METTL15: variants seen among roughly 807,000 people sequenced by gnomAD.
METTL15 encodes the protein methyltransferase 15, mitochondrial 12S rRNA N4-cytidine, also known as 12S rRNA N(4)-cytidine methyltransferase METTL15.
METTL15 carries 34 observed loss-of-function variants against 38.3 expected under a neutral mutation model. The observed-to-expected ratio is 0.89, with a 90% CI of 0.68 to 1.18. METTL15 has a LOEUF of 1.18. Among genes scored for constraint, METTL15 ranks in the 50% most tolerant of loss-of-function variants. The pLI is 0.00. For missense variants in METTL15, 438 were observed against 498.4 expected (o/e 0.88, Z 1.15); for synonymous variants, 162 against 170.9 (o/e 0.95, Z 0.41).
At chr11:28,479,057 TTGTGTG>T (rs71050961) in intron 6 of METTL15, among the ~76,000 whole-genome samples, 40,070 of 146,576 alleles carry the variant, frequency 0.27, 5,982 homozygotes, top group East Asian at 0.59. Context: ...TTATTTCTCT[TTGTGTG>T]TGTGTGTGTG....
chr11:28,257,407 C>T (rs889649694), intron 4 of METTL15, among the ~76,000 whole-genome samples: 24 of 152,114 alleles, frequency 1.6e-4, no homozygotes, highest in African/African-American at 3.4e-4. Flanking sequence ...ATAACTTTCT[C>T]GTACTTGAAA....
At chr11:28,349,496 T>A (rs2133360072) in intron 3 of METTL15, among the ~76,000 whole-genome samples, 1 of 152,370 alleles carries the variant, frequency 6.6e-6, no homozygotes, top group African/African-American at 2.4e-5. Context: ...TCTTTTTTAA[T>A]TGCTTACTAT....
intron 4 of METTL15, among the ~76,000 whole-genome samples, chr11:28,284,798 G>GA (rs1856188641): frequency 6.6e-6 from 1 of 152,128 alleles, no homozygotes; most frequent in Non-Finnish European, 1.5e-5. Context: ...AGGCAGACTG[G>GA]AACACATTTA....
intron 6 of METTL15, among the ~76,000 whole-genome samples, chr11:28,453,352 A>G (rs1851139371): frequency 6.6e-6 from 1 of 152,208 alleles, no homozygotes; most frequent in Non-Finnish European, 1.5e-5. Context: ...TGCTCCAATA[A>G]AGAGACCACA....
chr11:28,133,813 C>A (rs2133639724), intron 3 of METTL15, among the ~76,000 whole-genome samples: 1 of 152,226 alleles, frequency 6.6e-6, no homozygotes, highest in South Asian at 2.1e-4. Context: ...GTTAGAATCA[C>A]CTGGTTAAGC....
intron 3 of METTL15, among the ~76,000 whole-genome samples, chr11:28,177,218 C>G (rs1482625675): frequency 6.6e-6 from 1 of 151,760 alleles, no homozygotes; most frequent in East Asian, 1.9e-4. Flanking sequence ...TAGTAAAATG[C>G]AATATATGTT....
intron 6 of METTL15, among the ~76,000 whole-genome samples, chr11:28,433,454 T>A (rs1850953340): frequency 6.6e-6 from 1 of 152,146 alleles, no homozygotes; most frequent in Non-Finnish European, 1.5e-5. Context: ...CATGGGCAAA[T>A]CACTTCAAAT....
intron 5 of METTL15, among the ~76,000 whole-genome samples, chr11:28,409,188 C>T (rs1038771079): frequency 1.3e-5 from 2 of 151,822 alleles, no homozygotes; most frequent in Non-Finnish European, 2.9e-5. Context: ...CGAGACCATC[C>T]TGGCTAACAT....
At chr11:28,370,302 A>ACTTG in intron 5 of METTL15, among the ~76,000 whole-genome samples, 1 of 105,234 alleles carries the variant, frequency 9.5e-6, no homozygotes, top group Non-Finnish European at 2.3e-5. Context: ...ATGAGTGAGA[A>ACTTG]CATGCAATAT....
At chr11:28,316,112 A>T (rs1456410009) in intron 6 of METTL15, among the ~76,000 whole-genome samples, 1 of 152,186 alleles carries the variant, frequency 6.6e-6, no homozygotes, top group Non-Finnish European at 1.5e-5. Context: ...AGAATGGTAG[A>T]TCCACCCAAC....
intron 3 of METTL15, among the ~76,000 whole-genome samples, chr11:28,150,461 T>G (rs780097440): frequency 6.6e-6 from 1 of 151,914 alleles, no homozygotes; most frequent in Non-Finnish European, 1.5e-5. Context: ...CTAACATTTA[T>G]TATTTTGAAT....
At chr11:28,112,979 C>A (rs1262452057) in intron 2 of METTL15, among the ~76,000 whole-genome samples, 1 of 151,974 alleles carries the variant, frequency 6.6e-6, no homozygotes. Context: ...TACTTTTTAG[C>A]CTTAATTAAA....
At chr11:28,286,601 A>G (rs1856272446) in intron 4 of METTL15, among the ~76,000 whole-genome samples, 1 of 152,102 alleles carries the variant, frequency 6.6e-6, no homozygotes, top group Non-Finnish European at 1.5e-5. Flanking sequence ...AAATAGTGAT[A>G]AAATAGCTAT....
exon 5 of METTL15, chr11:28,362,028 A>T (rs991189344): frequency 1.3e-5 from 2 of 152,194 alleles, no homozygotes; most frequent in Non-Finnish European, 2.9e-5. Context: ...CCTTCAAAGA[A>T]AAATGGAGGT....
chr11:28,306,983 T>G lies in METTL15; in HGVS notation c.778+10052T>G, dbSNP rs377413634. ...TTTAAAATAGGAATTTGTTAACTTT[T>G]AATATATTTTATATTTCTTATAACT... is the stretch of plus-strand genomic sequence containing the variant. On this transcript the variant is annotated intron_variant, in intron 6 of 6. Coordinates refer to ENST00000407364, the MANE Select transcript of METTL15 (RefSeq NM_001113528.2). 2.0e-5 allele frequency among the ~76,000 whole-genome samples: 3 copies of G among 151,978 alleles called. No homozygotes were observed. The East Asian group carries it at 5.8e-4, about 29-fold the overall frequency.
intron 3 of METTL15, among the ~76,000 whole-genome samples, chr11:28,137,808 T>A: frequency 6.6e-6 from 1 of 151,494 alleles, no homozygotes; most frequent in East Asian, 1.9e-4. Flanking sequence ...TTTCAAAAAA[T>A]ATTGGATCTA....
intron 4 of METTL15, among the ~76,000 whole-genome samples, chr11:28,358,263 C>T (rs139626780): frequency 6.6e-5 from 10 of 152,284 alleles, no homozygotes; most frequent in African/African-American, 2.4e-4. Context: ...CTGGCTGACA[C>T]CTTGATTTTA....
intron 6 of METTL15, among the ~76,000 whole-genome samples, chr11:28,500,627 G>C (rs1031863027): frequency 6.6e-5 from 10 of 151,774 alleles, no homozygotes; most frequent in African/African-American, 2.4e-4. Flanking sequence ...AGGTTCAAGC[G>C]ATTCTCCTGC....
At chr11:28,182,625 TG>T (rs1442556887) in intron 3 of METTL15, among the ~76,000 whole-genome samples, 36 of 152,180 alleles carry the variant, frequency 2.4e-4, no homozygotes, top group Non-Finnish European at 1.5e-4. Flanking sequence ...ATATCTGTTT[TG>T]GTAACAGTTC....
Sources: allele counts gnomAD v4.1 joint callset (sites outside exome capture counted in the v4.1 genomes callset), GRCh38; gene constraint gnomAD v4.1.1; transcripts MANE v1.5; gene names NCBI Gene and HGNC (gene_info 2026-07-23, HGNC 2026-07-21).